CTNNA2: variants seen among roughly 807,000 people sequenced by gnomAD.
CTNNA2 encodes the protein catenin alpha 2.
In CTNNA2, 42 loss-of-function variants were observed where a neutral mutation model predicts 101.0. That is an observed-to-expected ratio of 0.42 (90% confidence interval 0.32 to 0.54). CTNNA2 has a LOEUF of 0.54. Ranked by LOEUF, CTNNA2 falls within the 20% of genes least tolerant of loss-of-function variation. The pLI is 0.14. For missense variants in CTNNA2, 871 were observed against 1,223.1 expected (o/e 0.71, Z 4.29); for synonymous variants, 450 against 456.4 (o/e 0.99, Z 0.18).
chr2:79,457,388 G>A (rs1670837113), intron 4 of CTNNA2, among the ~76,000 whole-genome samples: 1 of 152,006 alleles, frequency 6.6e-6, no homozygotes, highest in Non-Finnish European at 1.5e-5. Flanking sequence ...GAGGCCTACA[G>A]TTCACAGTGT....
At chr2:80,035,548 G>A (rs1695594425) in intron 7 of CTNNA2, among the ~76,000 whole-genome samples, 1 of 152,154 alleles carries the variant, frequency 6.6e-6, no homozygotes, top group Non-Finnish European at 1.5e-5. Context: ...TTCACCCAGT[G>A]TATTTGTACA....
chr2:79,573,327 G>T (rs889491920), intron 1 of CTNNA2, among the ~76,000 whole-genome samples: 3 of 152,112 alleles, frequency 2.0e-5, no homozygotes, highest in African/African-American at 7.2e-5. Flanking sequence ...TATCTTACTG[G>T]TAAGTTTTAT....
At chr2:79,300,263 G>A (rs1486396073) in intron 2 of CTNNA2, among the ~76,000 whole-genome samples, 2 of 152,138 alleles carry the variant, frequency 1.3e-5, no homozygotes, top group Admixed American at 1.3e-4. Context: ...GAATGCCATA[G>A]AGCTGGAATC....
intron 17 of CTNNA2, among the ~76,000 whole-genome samples, chr2:80,608,732 G>A (rs1558640466): frequency 6.6e-6 from 1 of 151,736 alleles, no homozygotes; most frequent in Non-Finnish European, 1.5e-5. Context: ...TAGAGATGAT[G>A]AAAACAATAG....
rs4853437 is a variant in CTNNA2 at position 79,200,405 on chromosome 2, C to T, written c.-406+2329C>T. Among the ~76,000 whole-genome samples, 518 of 150,820 alleles carry T rather than the reference C, an allele frequency of 3.4e-3. 12 individuals are homozygous for T. Among genetic ancestry groups the T allele is most frequent in the Admixed American group, 0.027 (415 of 15,146 alleles). On this transcript the variant is annotated intron_variant, in intron 2 of 21. Coordinates refer to the CTNNA2 transcript ENST00000466387. ...TCTCAAAAAAAAAAAAAAAATTAGACAAAAAATCAGATAACACAATACAAA... is the reference window on the plus strand; with the variant it reads ...TCTCAAAAAAAAAAAAAAAATTAGATAAAAAATCAGATAACACAATACAAA...
intron 2 of CTNNA2, among the ~76,000 whole-genome samples, chr2:79,289,486 G>T (rs900017514): frequency 5.9e-5 from 9 of 152,324 alleles, no homozygotes; most frequent in African/African-American, 2.2e-4. Flanking sequence ...ACCAGGCCAG[G>T]CGTGGTGGCT....
intron 3 of CTNNA2, among the ~76,000 whole-genome samples, chr2:79,838,039 T>C (rs541257064): frequency 1.3e-5 from 2 of 152,270 alleles, no homozygotes; most frequent in East Asian, 3.9e-4. Context: ...TGATTGGTCT[T>C]TCTTTGCTGT....
intron 7 of CTNNA2, among the ~76,000 whole-genome samples, chr2:80,159,788 T>C (rs993159788): frequency 2.0e-5 from 3 of 152,160 alleles, no homozygotes; most frequent in African/African-American, 7.2e-5. Context: ...ACTTCTTTTT[T>C]AATCCTCTTA....
chr2:80,584,432 GGC>G (rs1695799127), intron 14 of CTNNA2, among the ~76,000 whole-genome samples: 1 of 150,082 alleles, frequency 6.7e-6, no homozygotes, highest in African/African-American at 2.4e-5. Context: ...GGAGATAGGG[GGC>G]GGGGGGCGGT....
chr2:79,996,043 A>G (rs920294189), intron 7 of CTNNA2, among the ~76,000 whole-genome samples: 1 of 152,132 alleles, frequency 6.6e-6, no homozygotes, highest in African/African-American at 2.4e-5. Context: ...GTAATTTTGG[A>G]AGTCCAAAAG....
intron 7 of CTNNA2, among the ~76,000 whole-genome samples, chr2:80,300,709 C>T (rs1676205331): frequency 6.6e-6 from 1 of 152,162 alleles, no homozygotes; most frequent in African/African-American, 2.4e-5. Context: ...GGGACATGGG[C>T]TACATTGGTT....
At chr2:79,488,054 C>G (rs567335868) in intron 4 of CTNNA2, among the ~76,000 whole-genome samples, 2 of 151,958 alleles carry the variant, frequency 1.3e-5, no homozygotes, top group Non-Finnish European at 2.9e-5. Context: ...AAAAGACAGA[C>G]AGTGTAATCC....
At chr2:80,064,399 G>T (rs1697829561) in intron 7 of CTNNA2, among the ~76,000 whole-genome samples, 1 of 152,144 alleles carries the variant, frequency 6.6e-6, no homozygotes, top group South Asian at 2.1e-4. Flanking sequence ...AACACTACAG[G>T]ACCATCTTTT....
At chr2:79,884,491 G>C (rs11126744) in intron 6 of CTNNA2, among the ~76,000 whole-genome samples, 1 of 151,902 alleles carries the variant, frequency 6.6e-6, no homozygotes, top group African/African-American at 2.4e-5. Flanking sequence ...TCTACTTTTC[G>C]AATACTTCAG....
At chr2:79,644,850 C>G (rs1012896707) in intron 1 of CTNNA2, among the ~76,000 whole-genome samples, 1 of 152,330 alleles carries the variant, frequency 6.6e-6, no homozygotes, top group South Asian at 2.1e-4. Flanking sequence ...GTCCTTACCT[C>G]TATTGCCTCC....
chr2:80,426,014 T>C (rs2149417378), intron 9 of CTNNA2, among the ~76,000 whole-genome samples: 1 of 152,298 alleles, frequency 6.6e-6, no homozygotes, highest in East Asian at 1.9e-4. Flanking sequence ...GGTGTGTTGA[T>C]TAGAATTTAA....
chr2:79,488,373 A>G (rs887652930), intron 4 of CTNNA2, among the ~76,000 whole-genome samples: 2 of 150,702 alleles, frequency 1.3e-5, no homozygotes, highest in Non-Finnish European at 3.0e-5. Flanking sequence ...TGGCCTTCTG[A>G]TGAGTAGATT....
rs185766169 is a variant in CTNNA2, at chr2:80,381,560, A to G, written c.1057-11651A>G. 1.4e-4 allele frequency among the ~76,000 whole-genome samples: 21 copies of G among 152,216 alleles called. No individual in the cohort carries two copies. The East Asian group carries it at 1.8e-3, about 13-fold the overall frequency. ...GAGAGGACAGGAAGAGGTCATTCTCACAGGCTTTGGCAAAGACAAAGAGAG... is the reference window on the plus strand; with the variant it reads ...GAGAGGACAGGAAGAGGTCATTCTCGCAGGCTTTGGCAAAGACAAAGAGAG... On this transcript the variant is annotated intron_variant, in intron 7 of 18. Transcript: ENST00000402739.
intron 4 of CTNNA2, among the ~76,000 whole-genome samples, chr2:79,504,655 T>C (rs1671373654): frequency 6.6e-6 from 1 of 152,158 alleles, no homozygotes; most frequent in Admixed American, 6.5e-5. Context: ...AACTCATAGG[T>C]GGCATATAAG....
Sources: allele counts gnomAD v4.1 joint callset (sites outside exome capture counted in the v4.1 genomes callset), GRCh38; gene constraint gnomAD v4.1.1; transcripts MANE v1.5; gene names NCBI Gene and HGNC (gene_info 2026-07-23, HGNC 2026-07-21).